Variants in RALGAPB observed in about 807,000 individuals in gnomAD.
RALGAPB encodes ral GTPase-activating protein subunit beta.
RALGAPB carries 25 observed loss-of-function variants against 161.1 expected under a neutral mutation model. That is an observed-to-expected ratio of 0.16 (90% confidence interval 0.11 to 0.22). RALGAPB has a LOEUF of 0.22. Among genes scored for constraint, RALGAPB ranks in the 10% least tolerant of loss-of-function variants. RALGAPB has a pLI of 1.00. For synonymous variants in RALGAPB, 629 were observed against 626.1 expected (o/e 1.00, Z -0.07); for missense variants, 1,391 against 1,815.2 (o/e 0.77, Z 4.25).
At chr20:38,528,344 T>C (rs2086535024) in intron 13 of RALGAPB, among the ~76,000 whole-genome samples, 1 of 144,214 alleles carries the variant, frequency 6.9e-6, no homozygotes, top group Non-Finnish European at 1.5e-5. Flanking sequence ...ATTCATTTTA[T>C]TTTTATTTAT....
At chr20:38,551,750 A>C (rs140664416) in intron 21 of RALGAPB, among the ~76,000 whole-genome samples, 2 of 152,110 alleles carry the variant, frequency 1.3e-5, no homozygotes, top group East Asian at 1.9e-4. Flanking sequence ...AGATGGGAAA[A>C]ATTTATTTGG....
At chr20:38,562,826 C>G (rs1407806296) in intron 24 of RALGAPB, 129 bp downstream of exon 24, 1 of 1,033,418 alleles carries the variant, frequency 9.7e-7, no homozygotes, top group African/African-American at 1.7e-5. Flanking sequence ...TGGCGCATGC[C>G]TGTCTTCAAG....
intron 7 of RALGAPB, chr20:38,516,576 A>AT: frequency 3.7e-6 from 2 of 534,112 alleles, no homozygotes; most frequent in South Asian, 8.7e-5. Context: ...TGCAAAAGTA[A>AT]TTGCGGTTTT....
intron 6 of RALGAPB, 68 bp downstream of exon 6, chr20:38,509,276 A>T (rs1386534903): frequency 6.6e-7 from 1 of 1,517,386 alleles, no homozygotes; most frequent in Non-Finnish European, 9.1e-7. Context: ...ATCATGCTGT[A>T]AGTCTCTTGT....
rs2088170869 is a variant in RALGAPB, at chr20:38,569,984, T to C, written c.4051T>C (p.Tyr1351His). The stretch of plus-strand genomic sequence containing the variant: ...AGTTTCTGTAGTCTGGGTGGAACGC[T>C]ATGATGATATAGGTACTGTATGAGG... ...TRVSVVWVER[Y>H]DDIENFPLSE... The change falls in exon 27 of 30, where the codon TAT becomes CAT. Residue 1351 changes from tyrosine (Y) to histidine (H), a missense_variant. Physicochemically the swap from Tyr to His is moderately conservative, Grantham distance 83. Transcript: ENST00000262879. 1.9e-6 allele frequency: 3 copies of C among 1,610,582 alleles called. No individual in the cohort carries two copies. The highest frequency in any genetic ancestry group is 2.5e-6 in the Non-Finnish European group (3 of 1,177,056).
chr20:38,510,433 T>C (rs753948781), intron 6 of RALGAPB, among the ~76,000 whole-genome samples: 8 of 152,238 alleles, frequency 5.3e-5, no homozygotes, highest in Non-Finnish European at 1.0e-4. Context: ...TTTTCTCTTT[T>C]TCCTTCTCTT....
At chr20:38,478,900 G>A (rs552684470) in intron 1 of RALGAPB, among the ~76,000 whole-genome samples, 14 of 152,306 alleles carry the variant, frequency 9.2e-5, no homozygotes, top group Middle Eastern at 3.4e-3. Flanking sequence ...ACAGGCATGA[G>A]CCACTGCACC....
chr20:38,554,103 A>T, intron 22 of RALGAPB, 27 bp downstream of exon 22: 2 of 1,516,040 alleles, frequency 1.3e-6, no homozygotes, highest in Non-Finnish European at 9.2e-7. Flanking sequence ...TTTATGAATA[A>T]ATATATTCAC....
chr20:38,550,235 G>T (rs1191302912), intron 20 of RALGAPB, among the ~76,000 whole-genome samples: 4 of 152,068 alleles, frequency 2.6e-5, no homozygotes, highest in African/African-American at 9.7e-5. Context: ...CATGTCACAT[G>T]TATACATATT....
At chr20:38,500,478 T>A (rs1382384136) in intron 5 of RALGAPB, among the ~76,000 whole-genome samples, 1 of 152,190 alleles carries the variant, frequency 6.6e-6, no homozygotes, top group East Asian at 1.9e-4. Context: ...ACTTAACTGA[T>A]CAATGTTGTT....
At chr20:38,517,204 TAAG>T (rs1279046648) in intron 7 of RALGAPB, among the ~76,000 whole-genome samples, 3 of 152,224 alleles carry the variant, frequency 2.0e-5, no homozygotes, top group Non-Finnish European at 4.4e-5. Flanking sequence ...ATTGGTCCTT[TAAG>T]AAGATCTCTT....
Position 38,558,339 on chromosome 20 carries a change from T to C in RALGAPB, c.3417T>C (p.Asp1139=). The change falls in exon 23 of 30, where the codon GAT becomes GAC. Residue 1139 remains aspartate (D), a synonymous_variant. Coordinates refer to ENST00000262879, the MANE Select transcript of RALGAPB (RefSeq NM_020336.4). ...TACCTCCTCACCTTATTGCACTTGA[T>C]TCCACGATACCTGGATTTTTTGATG... ...SRLPPHLIAL[D]STIPGFFDDI... is the part of the protein sequence containing the mutation. 1 of 1,602,090 alleles carries C rather than the reference T, an allele frequency of 6.2e-7. No individual in the cohort carries two copies. The highest frequency in any genetic ancestry group is 1.1e-5 in the South Asian group (1 of 88,752).
intron 5 of RALGAPB, among the ~76,000 whole-genome samples, chr20:38,504,708 T>C (rs2085701115): frequency 6.6e-6 from 1 of 152,026 alleles, no homozygotes; most frequent in South Asian, 2.1e-4. Flanking sequence ...CCAGAATCTA[T>C]AAGGAACTTA....
intron 23 of RALGAPB, 116 bp from the exon 24 acceptor site, chr20:38,562,416 T>C: frequency 1.1e-6 from 1 of 889,472 alleles, no homozygotes; most frequent in Non-Finnish European, 1.6e-6. Flanking sequence ...TCAAATTTAT[T>C]CTGAGCTTGG....
At chr20:38,500,479 C>T (rs1346474921) in intron 5 of RALGAPB, among the ~76,000 whole-genome samples, 1 of 152,130 alleles carries the variant, frequency 6.6e-6, no homozygotes, top group Non-Finnish European at 1.5e-5. Context: ...CTTAACTGAT[C>T]AATGTTGTTT....
In RALGAPB at chr20:38,532,722, T is replaced by A; in HGVS notation, c.2116-8T>A. The A allele has an allele frequency of 6.2e-7, 1 of 1,612,606 alleles. No individual in the cohort carries two copies. The highest frequency in any genetic ancestry group is 8.5e-7 in the Non-Finnish European group (1 of 1,178,848). On this transcript the variant is annotated splice_polypyrimidine_tract_variant and splice_region_variant and intron_variant, in intron 14 of 29. Transcript: ENST00000262879. ...TAATCCTCACTTGATTCATTTTCAT[T>A]TGACTAGGGTGGTGGAGAAAATAAC...
intron 14 of RALGAPB, 109 bp from the exon 15 acceptor site, chr20:38,532,621 T>C: frequency 1.5e-6 from 2 of 1,324,030 alleles, no homozygotes; most frequent in African/African-American, 1.5e-5. Flanking sequence ...CAGTTTGTAC[T>C]ATTCAGTTGG....
intron 20 of RALGAPB, among the ~76,000 whole-genome samples, chr20:38,549,547 A>ATATATAT (rs1339712516): frequency 6.2e-5 from 8 of 128,184 alleles, no homozygotes; most frequent in African/African-American, 2.2e-4. Context: ...AAAAAAAAAA[A>ATATATAT]AAATATATAT....
intron 3 of RALGAPB, 127 bp downstream of exon 3, chr20:38,493,259 G>T: frequency 4.0e-6 from 3 of 743,242 alleles, no homozygotes; most frequent in Non-Finnish European, 6.5e-6. Context: ...TTCAGTTAAA[G>T]ATTGTATTAA....
Sources: gnomAD v4.1 joint callset for allele counts (sites outside exome capture counted in the v4.1 genomes callset) on GRCh38, gnomAD v4.1.1 for gene constraint, MANE v1.5 for transcripts, NCBI Gene and HGNC (gene_info 2026-07-23, HGNC 2026-07-21) for gene names.